Variants in MTUS2 observed in about 807,000 individuals in gnomAD.
MTUS2 encodes the protein microtubule-associated tumor suppressor candidate 2.
A neutral mutation model predicts 114.1 loss-of-function variants in MTUS2; 40 were observed. The ratio of observed to expected loss-of-function variants is 0.35; its 90% confidence interval spans 0.27 to 0.46. The LOEUF (loss-of-function observed/expected upper bound fraction) is 0.46. Among genes scored for constraint, MTUS2 ranks in the 20% least tolerant of loss-of-function variants. MTUS2 has a pLI of 1.00. For synonymous variants in MTUS2, 688 were observed against 672.0 expected (o/e 1.02, Z -0.37); for missense variants, 1,679 against 1,705.4 (o/e 0.98, Z 0.27).
At chr13:29,011,030 A>G (rs1179595237) in intron 2 of MTUS2, among the ~76,000 whole-genome samples, 2 of 152,164 alleles carry the variant, frequency 1.3e-5, no homozygotes, top group East Asian at 1.9e-4. Flanking sequence ...ACACTTATGC[A>G]TACATGTTGT....
chr13:28,838,165 A>G (rs567304093), intron 1 of MTUS2, among the ~76,000 whole-genome samples: 1 of 152,360 alleles, frequency 6.6e-6, no homozygotes, highest in East Asian at 1.9e-4. Flanking sequence ...CTTTCATGCA[A>G]AAACAAAACA....
chr13:29,285,092 A>AG (rs1352794181), intron 6 of MTUS2, among the ~76,000 whole-genome samples: 1 of 151,984 alleles, frequency 6.6e-6, no homozygotes, highest in Non-Finnish European at 1.5e-5. Flanking sequence ...CTGGTAAAAA[A>AG]GAAAAAAAAA....
intron 5 of MTUS2, among the ~76,000 whole-genome samples, chr13:29,200,856 G>A (rs1005741328): frequency 2.6e-5 from 4 of 152,106 alleles, no homozygotes; most frequent in Non-Finnish European, 4.4e-5. Context: ...TAATTTGATT[G>A]CACTGTGGCC....
At chr13:29,041,096 G>A (rs1365835415) in intron 4 of MTUS2, among the ~76,000 whole-genome samples, 1 of 152,112 alleles carries the variant, frequency 6.6e-6, no homozygotes, top group Non-Finnish European at 1.5e-5. Context: ...TCAGGTCTTA[G>A]ATTTAAGTCT....
At chr13:28,834,920 A>T (rs1874965144) in intron 1 of MTUS2, among the ~76,000 whole-genome samples, 1 of 152,222 alleles carries the variant, frequency 6.6e-6, no homozygotes, top group Non-Finnish European at 1.5e-5. Context: ...GTGGCCAGTA[A>T]GCATATGGAA....
At chr13:29,088,092 A>G (rs1212654860) in intron 4 of MTUS2, among the ~76,000 whole-genome samples, 3 of 125,060 alleles carry the variant, frequency 2.4e-5, no homozygotes, top group Non-Finnish European at 5.3e-5. Context: ...AGAATTTTCT[A>G]ACTTTCTGGT....
At chr13:29,134,579 A>C (rs1303589894) in intron 5 of MTUS2, among the ~76,000 whole-genome samples, 1 of 151,978 alleles carries the variant, frequency 6.6e-6, no homozygotes, top group African/African-American at 2.4e-5. Flanking sequence ...TGTTATATAT[A>C]TCTTCCTTCT....
chr13:29,212,401 C>A (rs1177111736), intron 5 of MTUS2, among the ~76,000 whole-genome samples: 1 of 152,224 alleles, frequency 6.6e-6, no homozygotes, highest in Non-Finnish European at 1.5e-5. Flanking sequence ...TTCTCCACTT[C>A]TCTGTGGACA....
chr13:28,896,851 G>A (rs1419938746), intron 2 of MTUS2, among the ~76,000 whole-genome samples: 2 of 152,194 alleles, frequency 1.3e-5, no homozygotes, highest in Non-Finnish European at 2.9e-5. Context: ...CTAGCCTTAT[G>A]TAGAAAGCTG....
At chr13:28,942,562 C>G (rs1882300705) in intron 2 of MTUS2, among the ~76,000 whole-genome samples, 1 of 152,200 alleles carries the variant, frequency 6.6e-6, no homozygotes, top group African/African-American at 2.4e-5. Flanking sequence ...GGAAACAACC[C>G]AGATGTCCTT....
intron 2 of MTUS2, among the ~76,000 whole-genome samples, chr13:28,888,010 G>T (rs1053864881): frequency 6.6e-6 from 1 of 152,056 alleles, no homozygotes; most frequent in Non-Finnish European, 1.5e-5. Context: ...CCTGCTGTTG[G>T]CCATCCAGTC....
chr13:28,893,030 G>A (rs1441325263), intron 2 of MTUS2, among the ~76,000 whole-genome samples: 1 of 152,198 alleles, frequency 6.6e-6, no homozygotes, highest in Non-Finnish European at 1.5e-5. Context: ...CTGCAGACAG[G>A]ATGGCCTTCC....
intron 4 of MTUS2, among the ~76,000 whole-genome samples, chr13:29,036,069 A>G (rs996637052): frequency 2.0e-5 from 3 of 150,924 alleles, no homozygotes; most frequent in African/African-American, 4.9e-5. Context: ...ACTTGAACCC[A>G]AGAGACAGAG....
chr13:29,100,673 CT>C, intron 4 of MTUS2, 99 bp from the exon 5 acceptor site: 1 of 1,323,918 alleles, frequency 7.6e-7, no homozygotes, highest in South Asian at 1.4e-5. Flanking sequence ...TAATTTTAGT[CT>C]GTTTATGATA....
chr13:29,281,415 ATGTC>A (rs1301446615), intron 5 of MTUS2, among the ~76,000 whole-genome samples: 2 of 135,202 alleles, frequency 1.5e-5, no homozygotes, highest in South Asian at 2.8e-4. Flanking sequence ...GTATGTATGT[ATGTC>A]TGTGTGTGTG....
chr13:29,417,903 T>A (rs1163755587), intron 8 of MTUS2, among the ~76,000 whole-genome samples: 1 of 152,244 alleles, frequency 6.6e-6, no homozygotes, highest in African/African-American at 2.4e-5. Context: ...TTTGCAGTAT[T>A]GGTTTGCTTC....
At chr13:28,956,368 C>T (rs1468925399) in intron 2 of MTUS2, among the ~76,000 whole-genome samples, 5 of 152,082 alleles carry the variant, frequency 3.3e-5, no homozygotes, top group Non-Finnish European at 7.4e-5. Context: ...GTAGATGGTG[C>T]CACATCAGTT....
At chr13:29,465,404 G>A (rs933901813) in intron 9 of MTUS2, among the ~76,000 whole-genome samples, 1 of 152,190 alleles carries the variant, frequency 6.6e-6, no homozygotes, top group Non-Finnish European at 1.5e-5. Flanking sequence ...CATTGGACAC[G>A]AAAGCCCATG....
In MTUS2 at chr13:28,952,694, T is replaced by G. The variant is rs138274542; in HGVS notation, c.-242-71763T>G. ...TTATTAACTTTTATTAAATGGTATA[T>G]TAAACACACTTTTCTGTATCTTAGT... On this transcript the variant is annotated intron_variant, in intron 2 of 15. Coordinates refer to ENST00000612955, the MANE Select transcript of MTUS2 (RefSeq NM_001033602.4). Among the ~76,000 whole-genome samples the G allele has an allele frequency of 1.5e-3, 225 of 152,362 alleles. 1 individual carries two copies. The highest frequency in any genetic ancestry group is 4.9e-3 in the African/African-American group (205 of 41,592).
Sources: gnomAD v4.1 joint callset for allele counts (sites outside exome capture counted in the v4.1 genomes callset) on GRCh38, gnomAD v4.1.1 for gene constraint, MANE v1.5 for transcripts, NCBI Gene and HGNC (gene_info 2026-07-23, HGNC 2026-07-21) for gene names.